The following NEXN variants were observed in gnomAD, a reference collection of about 807,000 sequenced individuals.
NEXN encodes the protein nexilin.
A neutral mutation model predicts 92.6 loss-of-function variants in NEXN; 65 were observed. That is an observed-to-expected ratio of 0.70 (90% CI 0.57 to 0.86). The LOEUF is 0.86. NEXN is among the 40% of genes least tolerant of loss of function. The pLI, the probability that NEXN is intolerant of heterozygous loss-of-function variation, is 0.00. For synonymous variants in NEXN, 254 were observed against 242.5 expected, an observed-to-expected ratio of 1.05 and a Z score of -0.44; for missense variants, 778 against 771.1, an observed-to-expected ratio of 1.01 and a Z score of -0.11.
chr1:77,913,729 T>C (rs1221183842), intron 1 of NEXN, among the ~76,000 whole-genome samples: 2 of 152,138 alleles, frequency 1.3e-5, no homozygotes, highest in East Asian at 3.9e-4. Flanking sequence ...TTTCTTATAA[T>C]ACTAAATATG....
chr1:77,942,484 A>G lies in NEXN; in HGVS notation c.1683A>G (p.Glu561=), dbSNP rs1403473507. The change falls in exon 13 of 13, where the codon GAA becomes GAG. Residue 561 remains glutamate (E), a synonymous_variant. Transcript: ENST00000334785. Reference sequence around the variant, plus strand: ...AGAAAAGAGAAGAGGAGGAGGAGGAAGAAGGTAGCATCATGAATGGCTCCA... The same window carrying G: ...AGAAAAGAGAAGAGGAGGAGGAGGAGGAAGGTAGCATCATGAATGGCTCCA... ...LQKKREEEEE[E]EGSIMNGSTA... The G allele has an allele frequency of 7.4e-6, 12 of 1,613,698 alleles. No homozygotes were observed. Among genetic ancestry groups the G allele is most frequent in the African/African-American group, 2.7e-5 (2 of 74,908 alleles).
chr1:77,916,677 T>A (rs1332132408), intron 2 of NEXN, among the ~76,000 whole-genome samples: 1 of 152,208 alleles, frequency 6.6e-6, no homozygotes, highest in African/African-American at 2.4e-5. Context: ...ACAAGTTGGA[T>A]GTGCCACAAA....
chr1:77,941,891 G>A, intron 11 of NEXN, 132 bp from the exon 12 acceptor site: 2 of 825,318 alleles, frequency 2.4e-6, no homozygotes, highest in Admixed American at 2.2e-5. Context: ...AAATCTGAGT[G>A]TCTGCAGTGT....
chr1:77,892,778 A>G (rs72685338), intron 1 of NEXN, among the ~76,000 whole-genome samples: 4,123 of 152,312 alleles, frequency 0.027, 99 homozygotes, highest in South Asian at 0.11. Flanking sequence ...GCTAACCAAA[A>G]CAAATAAAAT....
intron 1 of NEXN, among the ~76,000 whole-genome samples, chr1:77,895,639 G>A (rs550842289): frequency 9.2e-5 from 14 of 151,810 alleles, no homozygotes; most frequent in African/African-American, 1.2e-4. Flanking sequence ...CAAGGCAGGC[G>A]GATCTCTTGA....
intron 11 of NEXN, among the ~76,000 whole-genome samples, chr1:77,940,060 C>A (rs764977339): frequency 6.6e-6 from 1 of 152,090 alleles, no homozygotes; most frequent in Non-Finnish European, 1.5e-5. Context: ...GGTGACACAG[C>A]GAGAAATATC....
intron 9 of NEXN, chr1:77,933,065 G>A (rs1650438475): frequency 5.2e-6 from 2 of 387,490 alleles, no homozygotes; most frequent in Non-Finnish European, 9.5e-6. Context: ...GGAGGCTGAG[G>A]CAGGAGAATC....
At chr1:77,890,867 A>G (rs1450495509) in intron 1 of NEXN, among the ~76,000 whole-genome samples, 1 of 152,180 alleles carries the variant, frequency 6.6e-6, no homozygotes, top group Non-Finnish European at 1.5e-5. Context: ...TTTATAGAAG[A>G]GAGGACTGTT....
At chr1:77,891,747 T>TAAAAAAA (rs373772489) in intron 1 of NEXN, among the ~76,000 whole-genome samples, 2 of 129,030 alleles carry the variant, frequency 1.6e-5, no homozygotes, top group African/African-American at 5.8e-5. Context: ...GGAAAAAAAG[T>TAAAAAAA]AAAAAAAAAA....
intron 8 of NEXN, 123 bp from the exon 9 acceptor site, chr1:77,929,193 C>T (rs1650095571): frequency 3.0e-6 from 2 of 666,168 alleles, no homozygotes; most frequent in African/African-American, 1.8e-5. Context: ...GGATTTAGGT[C>T]AAGTATATTA....
At chr1:77,915,185 T>A (rs554687186) in intron 1 of NEXN, among the ~76,000 whole-genome samples, 1 of 151,698 alleles carries the variant, frequency 6.6e-6, no homozygotes, top group African/African-American at 2.4e-5. Flanking sequence ...TAGTGCTGCA[T>A]GCCTGTAGTC....
chr1:77,918,136 G>T lies in NEXN; in HGVS notation c.310G>T (p.Gly104Cys). Reference sequence around the variant, plus strand: ...TCATATATTTTTAGGAACTGTGAAGGGTAGATTTGCTGAAATGGAGAAACA... The same window carrying T: ...TCATATATTTTTAGGAACTGTGAAGTGTAGATTTGCTGAAATGGAGAAACA... ...YVPKLTGTVK[G>C]RFAEMEKQRQ... The change falls in exon 5 of 13, where the codon GGT becomes TGT. Residue 104 changes from glycine (G) to cysteine (C), a missense_variant. Coordinates refer to ENST00000334785, the MANE Select transcript of NEXN (RefSeq NM_144573.4). 1 of 1,613,872 alleles carries T rather than the reference G, an allele frequency of 6.2e-7. No homozygotes were observed. The highest frequency in any genetic ancestry group is 2.2e-5 in the East Asian group (1 of 44,854).
chr1:77,901,502 A>G (rs989066872), intron 1 of NEXN, among the ~76,000 whole-genome samples: 22 of 152,140 alleles, frequency 1.4e-4, no homozygotes, highest in African/African-American at 5.3e-4. Flanking sequence ...TCTTAGAACC[A>G]CATGTTCAAC....
chr1:77,915,082 G>A (rs918904661), intron 1 of NEXN, among the ~76,000 whole-genome samples: 1 of 152,032 alleles, frequency 6.6e-6, no homozygotes, highest in Admixed American at 6.6e-5. Context: ...TGGAGGCCAA[G>A]GTGGGAGAGT....
chr1:77,928,294 G>C lies in NEXN; in HGVS notation c.865-1022G>C, dbSNP rs577860015. Among the ~76,000 whole-genome samples the C allele has an allele frequency of 8.5e-4, 126 of 148,844 alleles. 1 individual carries two copies. The highest frequency in any genetic ancestry group is 3.0e-3 in the African/African-American group (120 of 40,358). Reference sequence around the variant, plus strand: ...CCACTGGACTCCAGCCTGGGTGACAGAGTGAGACCCTGTCTCAAAAAAAAA... The same window carrying C: ...CCACTGGACTCCAGCCTGGGTGACACAGTGAGACCCTGTCTCAAAAAAAAA... On this transcript the variant is annotated intron_variant, in intron 8 of 12. Coordinates refer to ENST00000334785, the MANE Select transcript of NEXN (RefSeq NM_144573.4).
At chr1:77,928,960 C>T (rs1650078659) in intron 8 of NEXN, among the ~76,000 whole-genome samples, 1 of 152,202 alleles carries the variant, frequency 6.6e-6, no homozygotes, top group Non-Finnish European at 1.5e-5. Flanking sequence ...CTATGTTGCC[C>T]AGGCTGGTCT....
intron 5 of NEXN, among the ~76,000 whole-genome samples, chr1:77,920,663 T>C (rs1037344993): frequency 2.7e-5 from 4 of 149,776 alleles, no homozygotes; most frequent in Admixed American, 2.0e-4. Flanking sequence ...TGGGTGGGGA[T>C]TAATAGTAGA....
intron 9 of NEXN, among the ~76,000 whole-genome samples, chr1:77,931,506 C>G (rs890331380): frequency 2.2e-4 from 33 of 150,662 alleles, no homozygotes; most frequent in Admixed American, 1.9e-3. Context: ...GATTTGTAGG[C>G]CAATACTGCC....
rs1290445861 is a variant in NEXN at position 77,925,223 on chromosome 1, A to C, written c.483A>C (p.Ala161=). 1 of 1,596,566 alleles carries C rather than the reference A, an allele frequency of 6.3e-7. No individual in the cohort carries two copies. Among genetic ancestry groups the C allele is most frequent in the South Asian group, 1.1e-5 (1 of 89,682 alleles). Reference sequence around the variant, plus strand: ...TAAACAATACGGGAACTGAATCAGCATCAGAGGTAAACAGACATTTCCTTT... The same window carrying C: ...TAAACAATACGGGAACTGAATCAGCCTCAGAGGTAAACAGACATTTCCTTT... ...EDINNTGTES[A]SEEGDDSLLI... The change falls in exon 6 of 13, where the codon GCA becomes GCC. Residue 161 remains alanine, a synonymous_variant. Coordinates refer to ENST00000334785, the MANE Select transcript of NEXN (RefSeq NM_144573.4).
Sources: allele counts gnomAD v4.1 joint callset (sites outside exome capture counted in the v4.1 genomes callset), GRCh38; gene constraint gnomAD v4.1.1; transcripts MANE v1.5; gene names NCBI Gene and HGNC (gene_info 2026-07-23, HGNC 2026-07-21).